The following MLLT10 variants were observed in gnomAD, a reference collection of about 807,000 sequenced individuals.
MLLT10 encodes protein AF-10.
MLLT10 carries 30 observed loss-of-function variants against 129.1 expected under a neutral mutation model. The observed-to-expected ratio is 0.23, with a 90% CI of 0.17 to 0.32. The LOEUF is 0.32. MLLT10 is among the 10% of genes least tolerant of loss of function. The pLI is 1.00. For synonymous variants in MLLT10, 490 were observed against 446.4 expected, an observed-to-expected ratio of 1.10 and a Z score of -1.23; for missense variants, 1,119 against 1,268.3, an observed-to-expected ratio of 0.88 and a Z score of 1.79.
chr10:21,585,126 G>A (rs1424655156), intron 3 of MLLT10, among the ~76,000 whole-genome samples: 1 of 151,834 alleles, frequency 6.6e-6, no homozygotes, highest in Admixed American at 6.6e-5. Flanking sequence ...ATTTTGCCGT[G>A]TCGCCCAGGC....
chr10:21,727,612 A>C (rs1254692644), intron 15 of MLLT10, among the ~76,000 whole-genome samples: 1 of 152,226 alleles, frequency 6.6e-6, no homozygotes, highest in Non-Finnish European at 1.5e-5. Context: ...TAAAATTGAA[A>C]GGAATGAAAG....
At chr10:21,548,968 A>G (rs1278159262) in intron 3 of MLLT10, among the ~76,000 whole-genome samples, 3 of 152,098 alleles carry the variant, frequency 2.0e-5, no homozygotes, top group Non-Finnish European at 4.4e-5. Context: ...CTGCAGGCTA[A>G]TCTTCAGGTG....
intron 9 of MLLT10, among the ~76,000 whole-genome samples, chr10:21,656,917 T>C (rs1179767657): frequency 6.6e-6 from 1 of 152,148 alleles, no homozygotes. Flanking sequence ...ATGGAACACA[T>C]AGGATTCTGT....
chr10:21,704,610 G>A (rs1285866501), intron 13 of MLLT10, among the ~76,000 whole-genome samples: 7 of 67,042 alleles, frequency 1.0e-4, no homozygotes, highest in Admixed American at 4.1e-4. Flanking sequence ...TCTCTCTCTC[G>A]CTTTTTTTTT....
chr10:21,569,205 A>G (rs1403278075), intron 3 of MLLT10, among the ~76,000 whole-genome samples: 2 of 152,142 alleles, frequency 1.3e-5, no homozygotes, highest in Non-Finnish European at 2.9e-5. Context: ...TAATGGTGTT[A>G]TTCAAGCTTC....
chr10:21,586,864 G>A (rs1274937413), intron 4 of MLLT10, among the ~76,000 whole-genome samples: 4 of 151,306 alleles, frequency 2.6e-5, no homozygotes, highest in Admixed American at 2.0e-4. Context: ...ATTAGCCTGC[G>A]TGACAGAAGG....
chr10:21,569,823 G>T (rs2040006592), intron 3 of MLLT10, among the ~76,000 whole-genome samples: 1 of 152,088 alleles, frequency 6.6e-6, no homozygotes, highest in Non-Finnish European at 1.5e-5. Context: ...GCTCACTATG[G>T]CCTTGACCTC....
chr10:21,582,377 C>T (rs1297766458), intron 3 of MLLT10, among the ~76,000 whole-genome samples: 1 of 152,154 alleles, frequency 6.6e-6, no homozygotes, highest in Non-Finnish European at 1.5e-5. Context: ...GCCTCAGCCT[C>T]CCAAAATCCT....
chr10:21,549,861 A>T (rs2130942487), intron 3 of MLLT10, among the ~76,000 whole-genome samples: 1 of 149,936 alleles, frequency 6.7e-6, no homozygotes, highest in Admixed American at 6.6e-5. Flanking sequence ...CTGGTCTCAA[A>T]CTCCTGACCT....
chr10:21,539,213 A>G (rs1247302153), intron 3 of MLLT10, among the ~76,000 whole-genome samples: 5 of 152,198 alleles, frequency 3.3e-5, no homozygotes, highest in Non-Finnish European at 7.4e-5. Flanking sequence ...ACACTGGCTA[A>G]TCATAGTTAA....
At position 21,737,165 on chromosome 10, in the gene MLLT10, G is replaced by C. The variant is rs4748766; in HGVS notation, c.2955+1930G>C. On this transcript the variant is annotated intron_variant, in intron 21 of 22. Transcript: ENST00000307729. ...ATCACTGGAGCCCAGGAGGTTGAGG[G>C]TGCAGTGACACCTGCACCTGACAGG... Among the ~76,000 whole-genome samples, 26 of 16,550 alleles carry C rather than the reference G, an allele frequency of 1.6e-3. No individual in the cohort carries two copies. In the South Asian group the frequency reaches 0.021, roughly 13 times the overall value. 10.9% of individuals were successfully genotyped at this position (16,550 alleles called of 152,430 possible).
At chr10:21,610,352 G>T (rs183607913) in intron 5 of MLLT10, among the ~76,000 whole-genome samples, 3 of 152,284 alleles carry the variant, frequency 2.0e-5, no homozygotes, top group Admixed American at 2.0e-4. Flanking sequence ...AAGCTGAGTT[G>T]GAGGGAGCCC....
chr10:21,626,063 A>T (rs762069177), intron 8 of MLLT10: 19 of 1,505,784 alleles, frequency 1.3e-5, no homozygotes, highest in Non-Finnish European at 3.7e-6. Context: ...CAAGGCCTTG[A>T]TCTTCACTTC....
intron 13 of MLLT10, chr10:21,688,644 T>TA (rs1002296022): frequency 5.2e-3 from 3,927 of 753,828 alleles, no homozygotes; most frequent in South Asian, 7.0e-3. Flanking sequence ...TATGTACTCA[T>TA]AAAAAAAAAA....
At chr10:21,593,210 T>C (rs2042682738) in intron 4 of MLLT10, among the ~76,000 whole-genome samples, 2 of 152,012 alleles carry the variant, frequency 1.3e-5, no homozygotes, top group South Asian at 4.2e-4. Flanking sequence ...TCCTCCCACC[T>C]CAACCTCCTG....
Position 21,534,761 on chromosome 10 carries a change from G to A in MLLT10, c.117G>A (p.Leu39=). 2 of 1,612,782 alleles carry A rather than the reference G, an allele frequency of 1.2e-6. No homozygotes were observed. The highest frequency in any genetic ancestry group is 2.2e-5 in the South Asian group (2 of 90,996). Residue 39 remains leucine (L), a synonymous_variant, in exon 2 of 23, where the codon CTG becomes CTA. Transcript: ENST00000307729. ...SDERGWAENP[L]VYCDGHGCSV... ...AGAGAGGCTGGGCCGAGAACCCGCT[G>A]GTTTATTGCGACGGGCACGGCTGCA...
At chr10:21,675,817 C>A (rs1312226001) in intron 11 of MLLT10, among the ~76,000 whole-genome samples, 1 of 152,128 alleles carries the variant, frequency 6.6e-6, no homozygotes, top group Non-Finnish European at 1.5e-5. Flanking sequence ...TCAGAAATTA[C>A]ATTGGAATGC....
chr10:21,678,759 T>A (rs1311420941), intron 11 of MLLT10, among the ~76,000 whole-genome samples: 1 of 152,196 alleles, frequency 6.6e-6, no homozygotes, highest in Non-Finnish European at 1.5e-5. Context: ...AAAAATGCTA[T>A]CTCATTCAGC....
intron 11 of MLLT10, among the ~76,000 whole-genome samples, chr10:21,677,030 G>A (rs1050948286): frequency 6.6e-6 from 1 of 152,136 alleles, no homozygotes; most frequent in African/African-American, 2.4e-5. Flanking sequence ...TAAGCATTAA[G>A]TGTTATTACT....
Sources: gnomAD v4.1 joint callset for allele counts (sites outside exome capture counted in the v4.1 genomes callset) on GRCh38, gnomAD v4.1.1 for gene constraint, MANE v1.5 for transcripts, NCBI Gene and HGNC (gene_info 2026-07-23, HGNC 2026-07-21) for gene names.